Variants in SPATA7 observed in about 807,000 individuals in gnomAD.
SPATA7 encodes the protein spermatogenesis-associated protein 7.
SPATA7 carries 43 observed loss-of-function variants against 51.8 expected under a neutral mutation model. The ratio of observed to expected loss-of-function variants is 0.83; its 90% CI spans 0.65 to 1.07. The LOEUF is 1.07. Among genes scored for constraint, SPATA7 ranks in the 50% least tolerant of loss-of-function variants. The pLI, the probability that SPATA7 is intolerant of heterozygous loss-of-function variation, is 0.00. For missense variants in SPATA7, 683 were observed against 701.3 expected (o/e 0.97, Z 0.30); for synonymous variants, 230 against 252.8 (o/e 0.91, Z 0.86).
chr14:88,452,397 G>A (rs545675831), intron 3 of SPATA7, among the ~76,000 whole-genome samples: 15 of 152,298 alleles, frequency 9.8e-5, no homozygotes, highest in Admixed American at 2.0e-4. Flanking sequence ...TTTTGTGTTC[G>A]TTGGCCTCCA....
rs1051648128 is a variant in SPATA7 at position 88,437,221 on chromosome 14, G to T, written c.1161-322G>T. On this transcript the variant is annotated intron_variant, in intron 10 of 11. Transcript: ENST00000393545. ...GGTTTGGTTGTGTGTGTGTGTGTGTGTGTAAATATCGGGGTAGAGAGGCTT... is the reference window on the plus strand; with the variant it reads ...GGTTTGGTTGTGTGTGTGTGTGTGTTTGTAAATATCGGGGTAGAGAGGCTT... Among the ~76,000 whole-genome samples the T allele has an allele frequency of 1.1e-4, 17 of 152,032 alleles. No individual in the cohort carries two copies. The East Asian group carries it at 2.1e-3, about 19-fold the overall frequency.
chr14:88,391,526 A>G (rs2075744904), intron 2 of SPATA7, 71 bp downstream of exon 2: 5 of 1,238,026 alleles, frequency 4.0e-6, no homozygotes, highest in Non-Finnish European at 4.7e-6. Context: ...GGCAAATTAT[A>G]TGACATGATG....
At chr14:88,437,748 AAGTATTAATCCTGTG>A (rs1264400549) in intron 11 of SPATA7, 75 bp from the exon 12 acceptor site, 1 of 1,399,314 alleles carries the variant, frequency 7.1e-7, no homozygotes, top group African/African-American at 1.5e-5. Context: ...GTGAAAGGAA[AAGTATTAATCCTGTG>A]AGATTTTCAG....
intron 3 of SPATA7, among the ~76,000 whole-genome samples, chr14:88,450,205 C>T (rs2077241488): frequency 6.6e-6 from 1 of 151,978 alleles, no homozygotes; most frequent in African/African-American, 2.4e-5. Context: ...TCAGGTGGGT[C>T]TCTTGAAGAT....
In SPATA7 at chr14:88,393,379, G is replaced by C; in HGVS notation, c.95-14G>C. ...TTAGTTTTAAATATATAATGATTATGTTTTAATTTTTAGCTTTTTGCACTG... is the reference window on the plus strand; with the variant it reads ...TTAGTTTTAAATATATAATGATTATCTTTTAATTTTTAGCTTTTTGCACTG... On this transcript the variant is annotated splice_polypyrimidine_tract_variant and intron_variant, in intron 2 of 11. Coordinates refer to ENST00000393545, the MANE Select transcript of SPATA7 (RefSeq NM_018418.5). 6.6e-7 allele frequency: 1 copy of C among 1,525,748 alleles called. No homozygotes were observed. The highest frequency in any genetic ancestry group is 1.4e-5 in the African/African-American group (1 of 72,614). The allele number at this position is 1,525,748 out of a possible 1,614,324, so 94.5% of individuals were successfully genotyped here.
chr14:88,410,549 T>C (rs1001698087), intron 4 of SPATA7: 1 of 152,220 alleles, frequency 6.6e-6, no homozygotes, highest in Non-Finnish European at 1.5e-5. Context: ...TTTTGGTCTT[T>C]GCTGTTGGTG....
intron 3 of SPATA7, among the ~76,000 whole-genome samples, chr14:88,444,078 G>C (rs1317693081): frequency 5.3e-5 from 8 of 151,864 alleles, no homozygotes; most frequent in Non-Finnish European, 1.0e-4. Context: ...CACAATGGTT[G>C]AACTAGTTTA....
exon 5 of SPATA7, chr14:88,470,109 TGCATGC>T: frequency 1.3e-6 from 2 of 1,548,566 alleles, no homozygotes; most frequent in Non-Finnish European, 1.8e-6. Context: ...TAGGTATGTA[TGCATGC>T]ATTCATGGTA....
chr14:88,444,843 T>C (rs1566793700), intron 3 of SPATA7, among the ~76,000 whole-genome samples: 1 of 152,206 alleles, frequency 6.6e-6, no homozygotes, highest in Non-Finnish European at 1.5e-5. Context: ...CATTGATCTA[T>C]ATCTCTGTTT....
downstream of SPATA7, chr14:88,438,593 G>A: frequency 1.5e-6 from 1 of 677,366 alleles, no homozygotes; most frequent in Non-Finnish European, 2.6e-6. Context: ...CAGTTTTGTG[G>A]ATCAGGAGTG....
At position 88,403,757 on chromosome 14, in the gene SPATA7, T is replaced by G. The variant is rs1006406484; in HGVS notation, c.238+7554T>G. Reference sequence around the variant, plus strand: ...GCCAGGGGCTACAGGAAGGAGGAAATGGGGAGATGTTGGTCAAAGAGTACA... The same window carrying G: ...GCCAGGGGCTACAGGAAGGAGGAAAGGGGGAGATGTTGGTCAAAGAGTACA... On this transcript the variant is annotated intron_variant, in intron 4 of 11. Transcript: ENST00000393545. Among the ~76,000 whole-genome samples the G allele has an allele frequency of 5.9e-5, 9 of 151,896 alleles. No homozygotes were observed. In the East Asian group the frequency reaches 1.7e-3, roughly 29 times the overall value.
chr14:88,451,448 C>T lies in SPATA7; in HGVS notation c.178-3612C>T, dbSNP rs1429277853. Among the ~76,000 whole-genome samples the T allele has an allele frequency of 3.3e-5, 5 of 150,942 alleles. No individual in the cohort carries two copies. The South Asian group carries it at 6.3e-4, about 19-fold the overall frequency. ...CCTCCCAAACTGCTGGGATTGCAGG[C>T]GTGAGCCACTGCTCCCGGCCGTGAT... On this transcript the variant is annotated intron_variant, in intron 3 of 3. Transcript: ENST00000554802.
chr14:88,461,318 A>C (rs952418252), intron 4 of SPATA7, among the ~76,000 whole-genome samples: 1 of 152,200 alleles, frequency 6.6e-6, no homozygotes, highest in African/African-American at 2.4e-5. Context: ...TGGAGTCTAC[A>C]GAGGCAGGCA....
At chr14:88,405,851 A>G (rs535748785) in intron 4 of SPATA7, among the ~76,000 whole-genome samples, 17 of 152,362 alleles carry the variant, frequency 1.1e-4, no homozygotes, top group African/African-American at 4.1e-4. Context: ...TTGACAGCAT[A>G]TAGGGGGTAT....
At chr14:88,447,137 C>G (rs1013469677) in intron 3 of SPATA7, among the ~76,000 whole-genome samples, 1 of 149,846 alleles carries the variant, frequency 6.7e-6, no homozygotes, top group South Asian at 2.1e-4. Flanking sequence ...TTGTAGGTCA[C>G]TCAGGACTTG....
At chr14:88,391,304 AAATATTG>A in intron 1 of SPATA7, 70 bp from the exon 2 acceptor site, 1 of 1,176,286 alleles carries the variant, frequency 8.5e-7, no homozygotes, top group Non-Finnish European at 1.2e-6. Flanking sequence ...ATTATTTAAA[AAATATTG>A]AATATTGTTG....
intron 3 of SPATA7, among the ~76,000 whole-genome samples, chr14:88,447,792 T>G (rs1161882921): frequency 2.0e-5 from 3 of 152,174 alleles, no homozygotes; most frequent in African/African-American, 4.8e-5. Context: ...TTCTTTTCTT[T>G]AAGAATGTCG....
chr14:88,429,286 A>G (rs541028679), intron 7 of SPATA7, 62 bp from the exon 8 acceptor site: 3 of 902,976 alleles, frequency 3.3e-6, no homozygotes, highest in Admixed American at 3.6e-5. Context: ...TTGCTGTGTT[A>G]TATTCTGCTT....
rs760745265 is a variant in SPATA7, at chr14:88,429,333, T to G, written c.913-15T>G. 1.3e-6 allele frequency: 2 copies of G among 1,497,210 alleles called. No individual in the cohort carries two copies. The highest frequency in any genetic ancestry group is 1.9e-6 in the Non-Finnish European group (2 of 1,074,478). The allele number at this position is 1,497,210 out of a possible 1,614,324, so 92.7% of individuals were successfully genotyped here. On this transcript the variant is annotated splice_polypyrimidine_tract_variant and intron_variant, in intron 7 of 11. Coordinates refer to ENST00000393545, the MANE Select transcript of SPATA7 (RefSeq NM_018418.5). ...TTTTAAGCAAAAATAAATATTTTTT[T>G]TATTGCATCCCCAGGCATCTAATTG...
Sources: allele counts gnomAD v4.1 joint callset (sites outside exome capture counted in the v4.1 genomes callset), GRCh38; gene constraint gnomAD v4.1.1; transcripts MANE v1.5; gene names NCBI Gene and HGNC (gene_info 2026-07-23, HGNC 2026-07-21).